The following SLIT2 variants were observed in gnomAD, a reference collection of about 807,000 sequenced individuals.
SLIT2 encodes the protein slit guidance ligand 2.
SLIT2 carries 41 observed loss-of-function variants against 185.7 expected under a neutral mutation model. The observed-to-expected ratio is 0.22, with a 90% CI of 0.17 to 0.29. SLIT2 has a LOEUF of 0.29. Among genes scored for constraint, SLIT2 ranks in the 10% least tolerant of loss-of-function variants. The pLI is 1.00. For synonymous variants in SLIT2, 693 were observed against 680.2 expected, an observed-to-expected ratio of 1.02 and a Z score of -0.29; for missense variants, 1,571 against 1,909.0, an observed-to-expected ratio of 0.82 and a Z score of 3.30.
At chr4:20,424,574 G>A (rs1314464159) in intron 4 of SLIT2, among the ~76,000 whole-genome samples, 1 of 151,994 alleles carries the variant, frequency 6.6e-6, no homozygotes, top group East Asian at 1.9e-4. Context: ...AAAATGCTTA[G>A]ATTTGACAAT....
intron 4 of SLIT2, among the ~76,000 whole-genome samples, chr4:20,352,186 ATG>A (rs1721938893): frequency 6.6e-6 from 1 of 152,156 alleles, no homozygotes; most frequent in African/African-American, 2.4e-5. Flanking sequence ...GCAGTACTTA[ATG>A]TGTCACTTAC....
At chr4:20,510,363 T>C in intron 9 of SLIT2, 132 bp from the exon 10 acceptor site, 1 of 687,720 alleles carries the variant, frequency 1.5e-6, no homozygotes, top group South Asian at 1.7e-5. Flanking sequence ...ATTTAGTACT[T>C]ATTTTTCAGG....
At chr4:20,542,336 C>T (rs1482964912) in intron 20 of SLIT2, among the ~76,000 whole-genome samples, 158 bp from the exon 21 acceptor site, 6 of 152,166 alleles carry the variant, frequency 3.9e-5, no homozygotes, top group African/African-American at 1.4e-4. Flanking sequence ...CTATATAGAA[C>T]TTACGGTATC....
At chr4:20,310,322 C>G (rs1174416825) in intron 4 of SLIT2, among the ~76,000 whole-genome samples, 1 of 152,124 alleles carries the variant, frequency 6.6e-6, no homozygotes, top group East Asian at 1.9e-4. Flanking sequence ...ATTAGCAACT[C>G]AAATTTAGTC....
At chr4:20,597,133 T>C (rs1258580571) in intron 32 of SLIT2, among the ~76,000 whole-genome samples, 2 of 151,132 alleles carry the variant, frequency 1.3e-5, no homozygotes, top group Admixed American at 6.6e-5. Flanking sequence ...TGGCGTGATC[T>C]CAGCTCACTA....
At chr4:20,570,735 A>G (rs529890206) in intron 29 of SLIT2, among the ~76,000 whole-genome samples, 547 of 19,788 alleles carry the variant, frequency 0.028, 3 homozygotes, top group East Asian at 0.11. Flanking sequence ...ATATATGTAT[A>G]TATATATATA....
At chr4:20,304,000 C>G (rs1717304653) in intron 4 of SLIT2, among the ~76,000 whole-genome samples, 1 of 152,104 alleles carries the variant, frequency 6.6e-6, no homozygotes, top group Admixed American at 6.6e-5. Context: ...AATATTTAAG[C>G]AATGTTGAGA....
Position 20,251,926 on chromosome 4 carries a change from A to G in SLIT2, c.-1890A>G, listed in dbSNP as rs1722069011. Among the ~76,000 whole-genome samples, 1 of 151,800 alleles carries G rather than the reference A, an allele frequency of 6.6e-6. No homozygotes were observed. Among genetic ancestry groups the G allele is most frequent in the Non-Finnish European group, 1.5e-5 (1 of 67,948 alleles). On this transcript the variant is annotated 5_prime_UTR_variant, in exon 1 of 37. Transcript: ENST00000504154. Reference sequence around the variant, plus strand: ...TCGGACTTGGTGTTATTTATTTGGGAAGCGCCCGGACGGCGGAGCTTGGCG... The same window carrying G: ...TCGGACTTGGTGTTATTTATTTGGGGAGCGCCCGGACGGCGGAGCTTGGCG...
chr4:20,493,385 A>G (rs1431279917), intron 9 of SLIT2, among the ~76,000 whole-genome samples: 1 of 152,226 alleles, frequency 6.6e-6, no homozygotes, highest in Admixed American at 6.5e-5. Flanking sequence ...CTATATAGTC[A>G]TCTATGCAGG....
intron 34 of SLIT2, among the ~76,000 whole-genome samples, chr4:20,613,733 G>A (rs1729423347): frequency 6.6e-6 from 1 of 152,106 alleles, no homozygotes; most frequent in Non-Finnish European, 1.5e-5. Context: ...AAAAAACCAG[G>A]GATGCTGCCC....
chr4:20,289,212 A>G (rs1013603453), intron 4 of SLIT2, among the ~76,000 whole-genome samples: 3 of 152,220 alleles, frequency 2.0e-5, no homozygotes, highest in Non-Finnish European at 4.4e-5. Flanking sequence ...GTTTTCTGTT[A>G]CAGCATTTTT....
chr4:20,578,222 A>G (rs1726231648), intron 29 of SLIT2, among the ~76,000 whole-genome samples: 1 of 152,162 alleles, frequency 6.6e-6, no homozygotes, highest in African/African-American at 2.4e-5. Flanking sequence ...CCACTTTACT[A>G]GCGAATGCAA....
intron 34 of SLIT2, among the ~76,000 whole-genome samples, chr4:20,612,905 G>A (rs1216495307): frequency 8.2e-6 from 1 of 121,312 alleles, no homozygotes; most frequent in Non-Finnish European, 1.6e-5. Context: ...GCGACAATGG[G>A]AGACTCCATC....
chr4:20,467,812 C>A lies in SLIT2; in HGVS notation c.456C>A (p.Asp152Glu). The stretch of plus-strand genomic sequence containing the variant: ...GGAAAGCTTTCCGTGGGGCAGTTGA[C>A]ATAAAAAATTTGTAAGTATCTATTT... ...IPRKAFRGAV[D>E]IKNLQLDYNQ... Residue 152 changes from aspartate (D) to glutamate (E), a missense_variant, in exon 5 of 37, where the codon GAC becomes GAA. This residue lies in a region of SLIT2 where 1,202 missense variants were observed against 1,416.4 expected (regional missense o/e 0.85). Transcript: ENST00000504154. 1 of 1,579,962 alleles carries A rather than the reference C, an allele frequency of 6.3e-7. No homozygotes were observed. Among genetic ancestry groups the A allele is most frequent in the Non-Finnish European group, 8.6e-7 (1 of 1,157,466 alleles).
In SLIT2 at chr4:20,251,996, A is replaced by C. The variant is rs370721760; in HGVS notation, c.-1820A>C. Among the ~76,000 whole-genome samples the C allele has an allele frequency of 0.014, 2,082 of 151,096 alleles. 40 individuals are homozygous for C. Among genetic ancestry groups the C allele is most frequent in the East Asian group, 0.062 (291 of 4,716 alleles). On this transcript the variant is annotated 5_prime_UTR_variant, in exon 1 of 37. Coordinates refer to ENST00000504154, the MANE Select transcript of SLIT2 (RefSeq NM_004787.4). The stretch of plus-strand genomic sequence containing the variant: ...CCGCAGACTGTGGTTAAAAAAAAGA[A>C]GGCGGCGGCGGCGGCGGCGGCGGAG...
At chr4:20,552,497 G>C (rs537252516) in intron 25 of SLIT2, 4 of 151,754 alleles carry the variant, frequency 2.6e-5, no homozygotes, top group South Asian at 4.2e-4. Flanking sequence ...ATCATAAAGA[G>C]CTCTGCTTTT....
rs1306648882 is a variant in SLIT2 at position 20,307,275 on chromosome 4, C to CTTCCTTCCTTCCTTCA, written c.395+38400_395+38401insCCTTCCTTCATTCCTT. Among the ~76,000 whole-genome samples the CTTCCTTCCTTCCTTCA allele has an allele frequency of 6.2e-5, 9 of 145,974 alleles. 1 individual carries two copies. The highest frequency in any genetic ancestry group is 1.8e-4 in the African/African-American group (7 of 38,334). ...CCTTCCTTCCTTCCTTCCTTCCTTC[C>CTTCCTTCCTTCCTTCA]TTCCTTAAACTAAGGGTCTCCTTGT... is the stretch of plus-strand genomic sequence containing the variant. On this transcript the variant is annotated intron_variant, in intron 4 of 36. Coordinates refer to ENST00000504154, the MANE Select transcript of SLIT2 (RefSeq NM_004787.4).
At chr4:20,348,353 C>A (rs979221115) in intron 4 of SLIT2, among the ~76,000 whole-genome samples, 1 of 152,020 alleles carries the variant, frequency 6.6e-6, no homozygotes, top group Non-Finnish European at 1.5e-5. Flanking sequence ...ATTCTTCTGC[C>A]TCAGCCTCCC....
At chr4:20,482,679 T>C (rs1716822582) in intron 6 of SLIT2, among the ~76,000 whole-genome samples, 1 of 152,002 alleles carries the variant, frequency 6.6e-6, no homozygotes, top group African/African-American at 2.4e-5. Context: ...GACCTTAATA[T>C]ATACATCTTA....
Sources: allele counts gnomAD v4.1 joint callset (sites outside exome capture counted in the v4.1 genomes callset), GRCh38; gene constraint gnomAD v4.1.1; regional missense constraint gnomAD v4.1.1; transcripts MANE v1.5; gene names NCBI Gene and HGNC (gene_info 2026-07-23, HGNC 2026-07-21).